Variants in CCDC175 observed in about 807,000 individuals in gnomAD.
CCDC175 encodes coiled-coil domain containing 175.
In CCDC175, 100 loss-of-function variants were observed where a neutral mutation model predicts 114.6. That is an observed-to-expected ratio of 0.87 (90% confidence interval 0.74 to 1.03). The LOEUF is 1.03. Among genes scored for constraint, CCDC175 ranks in the 50% least tolerant of loss-of-function variants. CCDC175 has a pLI of 0.00. For synonymous variants in CCDC175, 306 were observed against 308.7 expected, an observed-to-expected ratio of 0.99 and a Z score of 0.09; for missense variants, 880 against 917.8, an observed-to-expected ratio of 0.96 and a Z score of 0.53.
intron 16 of CCDC175, among the ~76,000 whole-genome samples, chr14:59,524,956 T>C (rs1404394652): frequency 6.6e-6 from 1 of 152,174 alleles, no homozygotes; most frequent in Non-Finnish European, 1.5e-5. Flanking sequence ...GAACCTACAC[T>C]GTATTGTTCT....
At chr14:59,533,127 C>T (rs2140011072) in intron 13 of CCDC175, among the ~76,000 whole-genome samples, 1 of 152,288 alleles carries the variant, frequency 6.6e-6, no homozygotes, top group South Asian at 2.1e-4. Context: ...CAGAGAGACT[C>T]ACACAGGTGG....
chr14:59,505,737 CCCT>C (rs377632124), intron 19 of CCDC175, among the ~76,000 whole-genome samples: 2 of 152,094 alleles, frequency 1.3e-5, no homozygotes, highest in African/African-American at 4.8e-5. Flanking sequence ...TAAAAATCAA[CCCT>C]TGTCTTTGTT....
intron 13 of CCDC175, 65 bp downstream of exon 13, chr14:59,537,958 A>C: frequency 1.3e-3 from 1,050 of 827,442 alleles, no homozygotes; most frequent in Non-Finnish European, 1.4e-3. Context: ...ATAGCATGAA[A>C]TATTATTCCC....
intron 3 of CCDC175, among the ~76,000 whole-genome samples, chr14:59,569,177 A>G (rs1304583654): frequency 6.6e-6 from 1 of 152,228 alleles, no homozygotes; most frequent in Non-Finnish European, 1.5e-5. Context: ...ACTCATTTCT[A>G]CACAGCAAAC....
intron 16 of CCDC175, among the ~76,000 whole-genome samples, chr14:59,523,579 C>T (rs1389560440): frequency 6.6e-6 from 1 of 152,174 alleles, no homozygotes; most frequent in African/African-American, 2.4e-5. Context: ...ACATTACAGG[C>T]ATTGTGCAAA....
intron 19 of CCDC175, among the ~76,000 whole-genome samples, chr14:59,507,167 T>C (rs530822834): frequency 6.6e-6 from 1 of 152,336 alleles, no homozygotes; most frequent in Non-Finnish European, 1.5e-5. Flanking sequence ...TATTCCACAC[T>C]TGCTGGTTGG....
intron 17 of CCDC175, among the ~76,000 whole-genome samples, chr14:59,520,889 T>C (rs1893393369): frequency 6.6e-6 from 1 of 152,210 alleles, no homozygotes; most frequent in Admixed American, 6.5e-5. Context: ...ATGAAAATGC[T>C]CTATATCTTG....
chr14:59,537,773 CT>C (rs1372199877), intron 13 of CCDC175, among the ~76,000 whole-genome samples: 2 of 152,178 alleles, frequency 1.3e-5, no homozygotes, highest in Admixed American at 6.5e-5. Context: ...CTCCACCTGT[CT>C]CTAAGGCCAT....
chr14:59,525,280 A>C lies in CCDC175; in HGVS notation c.1995+2T>G. On this transcript the variant is annotated splice_donor_variant, in intron 16 of 19. Coordinates refer to ENST00000537690, the MANE Select transcript of CCDC175 (RefSeq NM_001164399.2). LOFTEE classifies it high-confidence loss of function. The stretch of plus-strand genomic sequence containing the variant: ...TGAAAAGGATGGTGCTCTTAAACTT[A>C]CTTCTTTTAATTTTTTATTTTCCAG... 1 of 1,441,676 alleles carries C rather than the reference A, an allele frequency of 6.9e-7. No individual in the cohort carries two copies. The highest frequency in any genetic ancestry group is 9.0e-7 in the Non-Finnish European group (1 of 1,106,594). The allele number at this position is 1,441,676 out of a possible 1,614,324, so 89.3% of individuals were successfully genotyped here.
At chr14:59,575,760 C>T (rs1897082256) in intron 1 of CCDC175, among the ~76,000 whole-genome samples, 1 of 152,150 alleles carries the variant, frequency 6.6e-6, no homozygotes, top group Non-Finnish European at 1.5e-5. Flanking sequence ...CCACCCGCCT[C>T]GGCCTCCCAA....
intron 17 of CCDC175, among the ~76,000 whole-genome samples, chr14:59,513,497 A>G (rs192228906): frequency 6.6e-6 from 1 of 152,354 alleles, no homozygotes; most frequent in Admixed American, 6.5e-5. Flanking sequence ...CTGTCTTAGC[A>G]AACGGCACAG....
At chr14:59,536,489 G>A (rs1894402776) in intron 13 of CCDC175, among the ~76,000 whole-genome samples, 1 of 151,940 alleles carries the variant, frequency 6.6e-6, no homozygotes, top group South Asian at 2.1e-4. Flanking sequence ...TAAAGGCAGA[G>A]TTTTTGCCTG....
At chr14:59,564,928 G>T in intron 5 of CCDC175, 119 bp downstream of exon 5, 1 of 737,284 alleles carries the variant, frequency 1.4e-6, no homozygotes, top group Non-Finnish European at 2.2e-6. Flanking sequence ...TTCCCAGCGC[G>T]TTCACAGAAG....
intron 6 of CCDC175, among the ~76,000 whole-genome samples, chr14:59,562,079 T>A (rs891937124): frequency 6.6e-6 from 1 of 152,204 alleles, no homozygotes; most frequent in Non-Finnish European, 1.5e-5. Context: ...CCATAGCTAG[T>A]TCCAGAGCTA....
At chr14:59,554,703 A>G (rs1305700252) in intron 7 of CCDC175, among the ~76,000 whole-genome samples, 1 of 152,156 alleles carries the variant, frequency 6.6e-6, no homozygotes, top group East Asian at 1.9e-4. Context: ...GATCAACAAA[A>G]TTGATAGACT....
At chr14:59,522,513 A>G (rs1893480986) in intron 16 of CCDC175, among the ~76,000 whole-genome samples, 2 of 152,160 alleles carry the variant, frequency 1.3e-5, no homozygotes, top group Admixed American at 6.5e-5. Context: ...CTCTTTGACC[A>G]TGGGTCTGCA....
At chr14:59,507,026 G>A (rs1053540178) in intron 19 of CCDC175, among the ~76,000 whole-genome samples, 3 of 152,148 alleles carry the variant, frequency 2.0e-5, no homozygotes, top group South Asian at 4.1e-4. Context: ...CTAAGTTACT[G>A]TTTAGCTTAC....
chr14:59,576,536 T>TC, intron 1 of CCDC175, 83 bp downstream of exon 1: 1 of 1,264,772 alleles, frequency 7.9e-7, no homozygotes, highest in Non-Finnish European at 1.0e-6. Flanking sequence ...GGGAGGAGAG[T>TC]CCCCGCTCAG....
chr14:59,564,151 C>T (rs1460061341), intron 5 of CCDC175, among the ~76,000 whole-genome samples: 1 of 152,028 alleles, frequency 6.6e-6, no homozygotes, highest in Non-Finnish European at 1.5e-5. Context: ...AAGTAATTGC[C>T]ACGGTAGTGA....
Sources: gnomAD v4.1 joint callset for allele counts (sites outside exome capture counted in the v4.1 genomes callset) on GRCh38, gnomAD v4.1.1 for gene constraint, MANE v1.5 for transcripts, NCBI Gene and HGNC (gene_info 2026-07-23, HGNC 2026-07-21) for gene names.